RELN: variants seen among roughly 807,000 people sequenced by gnomAD.
The protein encoded by RELN is reelin.
Under a neutral mutation model 427.6 loss-of-function variants are expected in RELN, and 108 were observed. The ratio of observed to expected loss-of-function variants is 0.25; its 90% CI spans 0.22 to 0.30. The LOEUF (loss-of-function observed/expected upper bound fraction) is 0.30, where lower values mean the gene tolerates loss of function less well. Ranked by LOEUF, RELN falls within the 10% of genes least tolerant of loss-of-function variation. RELN has a pLI of 1.00. For missense variants in RELN, 3,715 were observed against 4,302.8 expected (o/e 0.86, Z 3.82); for synonymous variants, 1,524 against 1,513.4 (o/e 1.01, Z -0.16).
In RELN at chr7:103,553,449, A is replaced by G. The variant is rs1382204909; in HGVS notation, c.6072+12T>C. ...AAATTTAAAGCATTTATTATAGAAC[A>G]AAGTCAAGTACCTCAAATTGTATGA... On this transcript the variant is annotated intron_variant, in intron 40 of 64. Transcript: ENST00000428762. The G allele has an allele frequency of 2.5e-6, 4 of 1,594,690 alleles. No individual in the cohort carries two copies. Among genetic ancestry groups the G allele is most frequent in the African/African-American group, 1.3e-5 (1 of 74,642 alleles).
At chr7:103,672,691 G>A (rs1833420457) in intron 11 of RELN, among the ~76,000 whole-genome samples, 2 of 151,788 alleles carry the variant, frequency 1.3e-5, no homozygotes, top group Admixed American at 6.6e-5. Context: ...AATGATTGAG[G>A]TTTCACTGGC....
At chr7:103,952,534 T>TAC (rs1467055253) in intron 1 of RELN, among the ~76,000 whole-genome samples, 1 of 151,522 alleles carries the variant, frequency 6.6e-6, no homozygotes, top group African/African-American at 2.4e-5. Context: ...CACACACACA[T>TAC]ACATACATAC....
chr7:103,708,303 T>C (rs1045971139), intron 8 of RELN, among the ~76,000 whole-genome samples: 4 of 152,102 alleles, frequency 2.6e-5, no homozygotes, highest in African/African-American at 9.7e-5. Context: ...TGCTGTCTTG[T>C]GATTCAGACT....
chr7:103,697,771 T>G (rs1834007900), intron 10 of RELN, 82 bp downstream of exon 10: 17 of 1,596,248 alleles, frequency 1.1e-5, no homozygotes, highest in Non-Finnish European at 1.5e-5. Context: ...TAGCTATCTT[T>G]ATACAATTTG....
At chr7:103,925,106 C>G (rs1482187046) in intron 1 of RELN, among the ~76,000 whole-genome samples, 1 of 151,816 alleles carries the variant, frequency 6.6e-6, no homozygotes, top group Non-Finnish European at 1.5e-5. Flanking sequence ...CAGGTGATCC[C>G]TTCCCTAGAC....
At chr7:103,770,204 C>A (rs754151826) in intron 4 of RELN, among the ~76,000 whole-genome samples, 2 of 152,136 alleles carry the variant, frequency 1.3e-5, no homozygotes, top group African/African-American at 2.4e-5. Context: ...CCTGCCTCAG[C>A]GTCCTGAATA....
chr7:103,564,973 G>A (rs906326760), intron 34 of RELN, among the ~76,000 whole-genome samples: 2 of 152,172 alleles, frequency 1.3e-5, no homozygotes, highest in African/African-American at 4.8e-5. Flanking sequence ...ACTGTTTTGT[G>A]TGAATAAGTA....
intron 3 of RELN, among the ~76,000 whole-genome samples, chr7:103,788,417 C>G (rs1792074591): frequency 6.6e-6 from 1 of 152,154 alleles, no homozygotes; most frequent in Admixed American, 6.5e-5. Flanking sequence ...TTGCAGATGA[C>G]ACGATTGTAT....
intron 2 of RELN, among the ~76,000 whole-genome samples, chr7:103,913,565 A>G (rs1795416389): frequency 6.6e-6 from 1 of 152,190 alleles, no homozygotes; most frequent in Non-Finnish European, 1.5e-5. Context: ...GAAAGCAGCA[A>G]TATGTAGAAA....
At chr7:103,673,957 T>C (rs1165504173) in intron 11 of RELN, among the ~76,000 whole-genome samples, 1 of 152,082 alleles carries the variant, frequency 6.6e-6, no homozygotes. Flanking sequence ...CTCCTCCTTC[T>C]TCTTCTCCTT....
intron 58 of RELN, among the ~76,000 whole-genome samples, chr7:103,491,425 G>T (rs138658043): frequency 6.6e-6 from 1 of 152,166 alleles, no homozygotes; most frequent in African/African-American, 2.4e-5. Context: ...AGCCTTGAAT[G>T]AAAATGGATT....
intron 2 of RELN, among the ~76,000 whole-genome samples, chr7:103,835,360 G>C (rs776182475): frequency 1.3e-5 from 2 of 152,152 alleles, no homozygotes; most frequent in Non-Finnish European, 2.9e-5. Context: ...GTATGATACC[G>C]TATGGTGGAT....
At chr7:103,928,874 T>A (rs1795801412) in intron 1 of RELN, among the ~76,000 whole-genome samples, 2 of 152,164 alleles carry the variant, frequency 1.3e-5, no homozygotes, top group Non-Finnish European at 2.9e-5. Context: ...GCAAACAAGG[T>A]CACTGTATGT....
intron 2 of RELN, among the ~76,000 whole-genome samples, chr7:103,914,318 T>C (rs1358020861): frequency 6.6e-6 from 1 of 152,016 alleles, no homozygotes; most frequent in African/African-American, 2.4e-5. Flanking sequence ...CAAATGACAG[T>C]TTGTCAGTTC....
intron 2 of RELN, among the ~76,000 whole-genome samples, chr7:103,863,182 T>G (rs561968457): frequency 6.6e-6 from 1 of 152,100 alleles, no homozygotes; most frequent in South Asian, 2.1e-4. Flanking sequence ...GTGGATCATT[T>G]TGAGTGAAGG....
intron 45 of RELN, 145 bp from the exon 46 acceptor site, chr7:103,535,629 G>C (rs758642241): frequency 9.6e-6 from 7 of 731,274 alleles, no homozygotes; most frequent in Non-Finnish European, 1.6e-5. Flanking sequence ...GCTTTGAAAT[G>C]CTTCCTAGTT....
chr7:103,497,904 T>C lies in RELN; in HGVS notation c.8866A>G (p.Ile2956Val), dbSNP rs889941757. 7 of 1,614,146 alleles carry C rather than the reference T, an allele frequency of 4.3e-6. No homozygotes were observed. Among genetic ancestry groups the C allele is most frequent in the Non-Finnish European group, 5.9e-6 (7 of 1,180,012 alleles). The stretch of plus-strand genomic sequence containing the variant: ...GAGGTCATGTTGTTCTCACTACCGA[T>C]GCGCCCCCAGTATTGCAGGAACCTG... ...GAKFLQYWGR[I>V]GSENNMTSCH... Residue 2956 changes from isoleucine to valine, a missense_variant, in exon 55 of 65, where the codon ATC becomes GTC. Coordinates refer to ENST00000428762, the MANE Select transcript of RELN (RefSeq NM_005045.4).
intron 4 of RELN, among the ~76,000 whole-genome samples, chr7:103,755,750 A>AG (rs5886269): frequency 1 from 147,402 of 147,460 alleles, 73,672 homozygotes; most frequent in Middle Eastern, 1. Flanking sequence ...TGGGAAGCGG[A>AG]CTTGCAGTGA....
intron 3 of RELN, among the ~76,000 whole-genome samples, chr7:103,821,039 AT>A: frequency 6.6e-6 from 1 of 152,298 alleles, no homozygotes; most frequent in South Asian, 2.1e-4. Context: ...TTTAAATATA[AT>A]GTTTTCTCTG....
Sources: allele counts gnomAD v4.1 joint callset (sites outside exome capture counted in the v4.1 genomes callset), GRCh38; gene constraint gnomAD v4.1.1; transcripts MANE v1.5; gene names NCBI Gene and HGNC (gene_info 2026-07-23, HGNC 2026-07-21).